DNAH12: variants seen among roughly 807,000 people sequenced by gnomAD.
The protein encoded by DNAH12 is axonemal beta dynein heavy chain 12.
Under a neutral mutation model 371.5 loss-of-function variants are expected in DNAH12, and 285 were observed. The ratio of observed to expected loss-of-function variants is 0.77; its 90% confidence interval spans 0.70 to 0.85. The LOEUF (loss-of-function observed/expected upper bound fraction) is 0.85, where lower values mean the gene tolerates loss of function less well. DNAH12 is among the 40% of genes least tolerant of loss of function. The pLI, the probability that DNAH12 is intolerant of heterozygous loss-of-function variation, is 0.00. For missense variants in DNAH12, 3,611 were observed against 3,689.4 expected (o/e 0.98, Z 0.55); for synonymous variants, 1,200 against 1,213.0 (o/e 0.99, Z 0.22).
At chr3:57,319,331 ACTT>A (rs1033529919) in intron 65 of DNAH12, among the ~76,000 whole-genome samples, 1 of 151,974 alleles carries the variant, frequency 6.6e-6, no homozygotes, top group South Asian at 2.1e-4. Context: ...GGACAATTTT[ACTT>A]CTTCTGGTTT....
At chr3:57,554,718 C>T in the DNAH12 span, among the ~76,000 whole-genome samples, 3 of 152,012 alleles carry the variant, frequency 2.0e-5, no homozygotes, top group East Asian at 2.0e-4. Context: ...CAGGTTCAAG[C>T]GATTCTCCTG....
chr3:57,318,326 A>G (rs1606522), intron 65 of DNAH12, among the ~76,000 whole-genome samples: 14,249 of 152,070 alleles, frequency 0.094, 2,185 homozygotes, highest in African/African-American at 0.32. Flanking sequence ...TTTTGAGTTG[A>G]TTTTTATGTA....
Position 57,489,522 on chromosome 3 carries a change from T to A in DNAH12, c.1501A>T (p.Lys501Ter), listed in dbSNP as rs1000518620. ...LLNDIASKYR[K>*]ENECICSEFE... ...AATTCTACTTACCATTCATTTTCTT[T>A]TCTATATTTTGAAGCTATGTCATTT... is the stretch of plus-strand genomic sequence containing the variant. Residue 501 changes from lysine (K) to a stop codon, truncating the protein, a stop_gained, in exon 12 of 74, where the codon AAA becomes TAA. Coordinates refer to ENST00000495027, the MANE Select transcript of DNAH12 (RefSeq NM_001366028.2). LOFTEE classifies it high-confidence loss of function. The A allele has an allele frequency of 1.3e-6, 2 of 1,512,488 alleles. No homozygotes were observed. Among genetic ancestry groups the A allele is most frequent in the African/African-American group, 2.9e-5 (2 of 70,154 alleles). The allele number at this position is 1,512,488 out of a possible 1,614,324, so 93.7% of individuals were successfully genotyped here. A position where few individuals can be genotyped will look rare whatever the true frequency, so the allele number is the denominator to read the frequency against.
chr3:57,340,985 A>G (rs1050360873), intron 60 of DNAH12, among the ~76,000 whole-genome samples: 2 of 152,234 alleles, frequency 1.3e-5, no homozygotes, highest in Non-Finnish European at 2.9e-5. Flanking sequence ...GGATTATTCA[A>G]CCTACACAAA....
chr3:57,528,324 G>A (rs748034359), intron 2 of DNAH12, among the ~76,000 whole-genome samples: 4 of 151,496 alleles, frequency 2.6e-5, no homozygotes, highest in East Asian at 2.0e-4. Flanking sequence ...CACTGCACCC[G>A]GCCTAGGATT....
intron 70 of DNAH12, chr3:57,297,198 C>T (rs925590460): frequency 1.3e-5 from 7 of 557,404 alleles, no homozygotes; most frequent in South Asian, 2.5e-5. Flanking sequence ...TGAGCATTAA[C>T]GTGAATGAAA....
rs759508844 is a variant in DNAH12, at chr3:57,446,720, C to A, written c.3787-31G>T. ...ATGAAAAACACATGTGAAAAGAAATCCATGCTTAAATTTAAAAAAACAACA... is the reference window on the plus strand; with the variant it reads ...ATGAAAAACACATGTGAAAAGAAATACATGCTTAAATTTAAAAAAACAACA... On this transcript the variant is annotated intron_variant, in intron 25 of 73. Coordinates refer to ENST00000495027, the MANE Select transcript of DNAH12 (RefSeq NM_001366028.2). The A allele has an allele frequency of 1.8e-5, 26 of 1,449,010 alleles. 3 individuals carry two copies. In the South Asian group the frequency reaches 3.9e-4, roughly 22 times the overall value. 89.8% of individuals were successfully genotyped at this position (1,449,010 alleles called of 1,614,324 possible). A position where few individuals can be genotyped will look rare whatever the true frequency, so the allele number is the denominator to read the frequency against.
At chr3:57,518,511 G>A (rs758530922) in intron 4 of DNAH12, among the ~76,000 whole-genome samples, 12 of 150,474 alleles carry the variant, frequency 8.0e-5, no homozygotes, top group Non-Finnish European at 1.6e-4. Context: ...GGGTGACAGA[G>A]CAAGACTACT....
chr3:57,436,883 A>G, intron 30 of DNAH12, 68 bp downstream of exon 30: 1 of 1,130,560 alleles, frequency 8.8e-7, no homozygotes, highest in Non-Finnish European at 1.2e-6. Flanking sequence ...TCTTTGGTTC[A>G]TGGATTTTAG....
intron 62 of DNAH12, among the ~76,000 whole-genome samples, chr3:57,332,455 G>A (rs1234113161): frequency 2.0e-5 from 3 of 152,084 alleles, no homozygotes; most frequent in Non-Finnish European, 2.9e-5. Flanking sequence ...TTTGCACAGG[G>A]GGCAATAGGT....
At chr3:57,536,322 G>A (rs1354749959) in intron 2 of DNAH12, 1 of 152,000 alleles carries the variant, frequency 6.6e-6, no homozygotes, top group Admixed American at 6.6e-5. Flanking sequence ...TCTCTGTATT[G>A]TTCCAATTTT....
intron 29 of DNAH12, 149 bp downstream of exon 29, chr3:57,444,548 A>C: frequency 8.4e-7 from 1 of 1,197,512 alleles, no homozygotes; most frequent in Non-Finnish European, 1.2e-6. Context: ...AAAGTACCCA[A>C]ATTTACTTAT....
intron 48 of DNAH12, 142 bp downstream of exon 48, chr3:57,385,207 C>T (rs893602093): frequency 6.6e-5 from 10 of 152,146 alleles, no homozygotes; most frequent in African/African-American, 1.2e-4. Flanking sequence ...ACAGAACCCA[C>T]GTTAGACCCA....
At chr3:57,459,056 G>A (rs1333385725) in intron 20 of DNAH12, among the ~76,000 whole-genome samples, 1 of 152,172 alleles carries the variant, frequency 6.6e-6, no homozygotes, top group African/African-American at 2.4e-5. Flanking sequence ...AGATGAAAAA[G>A]TGGATGCATA....
At chr3:57,372,233 C>T (rs2063190170) in intron 55 of DNAH12, among the ~76,000 whole-genome samples, 1 of 152,116 alleles carries the variant, frequency 6.6e-6, no homozygotes, top group East Asian at 1.9e-4. Context: ...TAAAATACCA[C>T]ATATATCCTT....
chr3:57,351,298 C>A (rs1022175312), intron 60 of DNAH12, among the ~76,000 whole-genome samples: 1 of 148,824 alleles, frequency 6.7e-6, no homozygotes, highest in Non-Finnish European at 1.5e-5. Context: ...AAACAAAAAA[C>A]CAACAAAAAT....
intron 4 of DNAH12, among the ~76,000 whole-genome samples, chr3:57,512,742 A>G (rs2068044408): frequency 6.6e-6 from 1 of 152,212 alleles, no homozygotes; most frequent in Non-Finnish European, 1.5e-5. Context: ...AAATTATTCT[A>G]CTATAAAGAC....
At chr3:57,389,619 C>G (rs2063567497) in intron 45 of DNAH12, among the ~76,000 whole-genome samples, 2 of 151,708 alleles carry the variant, frequency 1.3e-5, no homozygotes, top group African/African-American at 4.8e-5. Flanking sequence ...AAAAAAGGCC[C>G]TTTTCTTACC....
intron 44 of DNAH12, among the ~76,000 whole-genome samples, chr3:57,393,460 T>C: frequency 6.6e-6 from 1 of 151,550 alleles, no homozygotes; most frequent in Middle Eastern, 3.4e-3. Flanking sequence ...ACCTCGTCTC[T>C]ACTGAAAATA....
Sources: gnomAD v4.1 joint callset for allele counts (sites outside exome capture counted in the v4.1 genomes callset) on GRCh38, gnomAD v4.1.1 for gene constraint, MANE v1.5 for transcripts, NCBI Gene and HGNC (gene_info 2026-07-23, HGNC 2026-07-21) for gene names.